MYT1L: variants seen among roughly 807,000 people sequenced by gnomAD.
MYT1L encodes myelin transcription factor 1-like protein.
A neutral mutation model predicts 126.7 loss-of-function variants in MYT1L; 12 were observed. That is an observed-to-expected ratio of 0.09 (90% CI 0.06 to 0.15). The LOEUF is 0.15. MYT1L is among the 10% of genes least tolerant of loss of function. The pLI is 1.00. For synonymous variants in MYT1L, 541 were observed against 604.2 expected (o/e 0.90, Z 1.53); for missense variants, 979 against 1,585.2 (o/e 0.62, Z 6.49).
intron 2 of MYT1L, among the ~76,000 whole-genome samples, chr2:2,262,618 A>C (rs903204051): frequency 4.0e-5 from 6 of 150,498 alleles, no homozygotes; most frequent in Middle Eastern, 3.5e-3. Context: ...GCATGAACCC[A>C]GGAGGCAGAG....
intron 18 of MYT1L, among the ~76,000 whole-genome samples, chr2:1,881,355 C>CGTGTGTGTGTGTGTGTGT (rs59171974): frequency 1.3e-4 from 18 of 139,126 alleles, no homozygotes; most frequent in East Asian, 4.3e-4. Flanking sequence ...TTTGCAGGTT[C>CGTGTGTGTGTGTGTGTGT]GTGTGTGTGT....
chr2:1,866,638 GGA>G (rs1416789502), intron 18 of MYT1L, among the ~76,000 whole-genome samples: 1 of 68,222 alleles, frequency 1.5e-5, no homozygotes, highest in Non-Finnish European at 2.7e-5. Flanking sequence ...GGAGAGGGAG[GGA>G]GAGAGAGAGA....
At chr2:1,989,517 C>T (rs1264376402) in intron 5 of MYT1L, among the ~76,000 whole-genome samples, 3 of 152,108 alleles carry the variant, frequency 2.0e-5, no homozygotes, top group African/African-American at 7.2e-5. Context: ...GTACTAAATA[C>T]AAATAACAAG....
rs113887653 is a variant in MYT1L, at chr2:2,175,358, T to C, written c.-420-2370A>G. Among the ~76,000 whole-genome samples, 19 of 152,180 alleles carry C rather than the reference T, an allele frequency of 1.2e-4. 1 individual carries two copies. Among genetic ancestry groups the C allele is most frequent in the African/African-American group, 4.3e-4 (18 of 41,430 alleles). Reference sequence around the variant, plus strand: ...TTGTCAAGAAGACCTTTTGTTTAGCTAAGTGTTGCTGAAACGGCAGTGCCT... The same window carrying C: ...TTGTCAAGAAGACCTTTTGTTTAGCCAAGTGTTGCTGAAACGGCAGTGCCT... On this transcript the variant is annotated intron_variant, in intron 2 of 24. Transcript: ENST00000647738.
intron 2 of MYT1L, among the ~76,000 whole-genome samples, chr2:2,209,690 C>T (rs1266549822): frequency 6.6e-6 from 1 of 152,152 alleles, no homozygotes; most frequent in Non-Finnish European, 1.5e-5. Flanking sequence ...TTAATCCACT[C>T]ATCTGTTGAT....
At chr2:2,153,467 G>C (rs1282588809) in intron 3 of MYT1L, among the ~76,000 whole-genome samples, 1 of 152,176 alleles carries the variant, frequency 6.6e-6, no homozygotes, top group Admixed American at 6.5e-5. Flanking sequence ...TGGTTGTTTA[G>C]ACGTGAGACT....
At chr2:2,185,878 A>C (rs1418649884) in intron 2 of MYT1L, among the ~76,000 whole-genome samples, 156 of 56,432 alleles carry the variant, frequency 2.8e-3, no homozygotes, top group South Asian at 3.2e-3. Context: ...CGCGTTCCTT[A>C]CGTGAGGGGG....
chr2:2,272,171 C>A (rs1161007763), intron 2 of MYT1L, among the ~76,000 whole-genome samples: 10 of 152,124 alleles, frequency 6.6e-5, no homozygotes, highest in Non-Finnish European at 1.3e-4. Flanking sequence ...ATGACAGGCA[C>A]CCTTATTGCC....
intron 5 of MYT1L, among the ~76,000 whole-genome samples, chr2:1,996,795 A>C (rs2061906178): frequency 8.0e-6 from 1 of 124,358 alleles, no homozygotes; most frequent in African/African-American, 3.1e-5. Context: ...CTAGTGAGCG[A>C]GGGCCGCCCT....
chr2:2,279,934 A>G (rs1425558314), intron 2 of MYT1L, among the ~76,000 whole-genome samples: 1 of 152,240 alleles, frequency 6.6e-6, no homozygotes, highest in East Asian at 1.9e-4. Flanking sequence ...TACATGGCAT[A>G]AAGTCAAGGA....
chr2:2,073,179 G>A (rs2074812867), intron 3 of MYT1L, among the ~76,000 whole-genome samples: 1 of 152,034 alleles, frequency 6.6e-6, no homozygotes, highest in Non-Finnish European at 1.5e-5. Flanking sequence ...ATTTTTAGAG[G>A]ACACAAACAT....
At chr2:1,881,907 G>T (rs2047604614) in intron 18 of MYT1L, among the ~76,000 whole-genome samples, 1 of 152,166 alleles carries the variant, frequency 6.6e-6, no homozygotes, top group Admixed American at 6.5e-5. Context: ...CATGAAGCGT[G>T]GGGAAGATTC....
chr2:2,027,414 G>A (rs1214852897), intron 4 of MYT1L, among the ~76,000 whole-genome samples: 1 of 152,230 alleles, frequency 6.6e-6, no homozygotes, highest in Non-Finnish European at 1.5e-5. Flanking sequence ...CTGAAAGGGA[G>A]ATTCGGTTGG....
chr2:1,808,956 T>C (rs527329330), intron 22 of MYT1L, 120 bp downstream of exon 22: 4 of 870,032 alleles, frequency 4.6e-6, no homozygotes, highest in Non-Finnish European at 7.5e-6. Flanking sequence ...GCCAGAATTA[T>C]CTCTGCCCCT....
At chr2:2,318,784 C>G (rs2096112477) in intron 1 of MYT1L, among the ~76,000 whole-genome samples, 1 of 152,148 alleles carries the variant, frequency 6.6e-6, no homozygotes. Context: ...ATACAAGAAC[C>G]TAGCATCAAC....
chr2:1,845,915 CA>C (rs1037492782), intron 19 of MYT1L, among the ~76,000 whole-genome samples: 7 of 152,222 alleles, frequency 4.6e-5, no homozygotes, highest in African/African-American at 1.7e-4. Flanking sequence ...TCCTTCTCTG[CA>C]TGACCTCCTA....
chr2:2,031,652 A>C (rs1473118570), intron 4 of MYT1L, among the ~76,000 whole-genome samples: 360 of 53,636 alleles, frequency 6.7e-3, no homozygotes, highest in South Asian at 0.011. Context: ...CACACCCCTC[A>C]CCAGTGCCTC....
chr2:1,959,601 G>A (rs2058792031), intron 8 of MYT1L, among the ~76,000 whole-genome samples: 1 of 152,140 alleles, frequency 6.6e-6, no homozygotes, highest in African/African-American at 2.4e-5. Context: ...CTCCTTCAAA[G>A]GTCAGCAGGA....
chr2:1,892,730 T>C lies in MYT1L; in HGVS notation c.2033-443A>G, dbSNP rs987051118. Among the ~76,000 whole-genome samples, 3 of 152,228 alleles carry C rather than the reference T, an allele frequency of 2.0e-5. No individual in the cohort carries two copies. The South Asian group carries it at 6.2e-4, about 32-fold the overall frequency. ...GGGCTCCTCCGCAGCACATGAGGGCTCGTGAGCACTTTTGGTGACCCAACC... is the reference window on the plus strand; with the variant it reads ...GGGCTCCTCCGCAGCACATGAGGGCCCGTGAGCACTTTTGGTGACCCAACC... On this transcript the variant is annotated intron_variant, in intron 14 of 24. Coordinates refer to ENST00000647738, the MANE Select transcript of MYT1L (RefSeq NM_001303052.2).
Sources: gnomAD v4.1 joint callset for allele counts (sites outside exome capture counted in the v4.1 genomes callset) on GRCh38, gnomAD v4.1.1 for gene constraint, MANE v1.5 for transcripts, NCBI Gene and HGNC (gene_info 2026-07-23, HGNC 2026-07-21) for gene names.